Variants in FAXC observed in about 807,000 individuals in gnomAD.
FAXC encodes failed axon connections homolog, metaxin like GST domain containing.
A neutral mutation model predicts 41.9 loss-of-function variants in FAXC; 10 were observed. That is an observed-to-expected ratio of 0.24 (90% CI 0.15 to 0.41). The LOEUF is 0.41. FAXC is among the 10% of genes least tolerant of loss of function. The probability of loss-of-function intolerance (pLI) is 1.00; values close to 1 mark genes in which losing one functional copy is unlikely to be tolerated. For synonymous variants in FAXC, 183 were observed against 183.8 expected (o/e 1.00, Z 0.03); for missense variants, 399 against 510.9 (o/e 0.78, Z 2.11).
At chr6:99,310,599 GC>G (rs1192759283) in intron 4 of FAXC, among the ~76,000 whole-genome samples, 3 of 152,220 alleles carry the variant, frequency 2.0e-5, no homozygotes, top group African/African-American at 7.2e-5. Context: ...AGGAAACACT[GC>G]TTTGAGGTTC....
rs574313444 is a variant in FAXC at position 99,341,706 on chromosome 6, A to C, written c.402+1192T>G. ...CCTTTCAGACAAAAAAATAAGCAGA[A>C]ATACAGAAGGTCTAAATAATACACT... On this transcript the variant is annotated intron_variant, in intron 2 of 5. Coordinates refer to ENST00000389677, the MANE Select transcript of FAXC (RefSeq NM_032511.4). Among the ~76,000 whole-genome samples the C allele has an allele frequency of 2.0e-5, 3 of 152,324 alleles. No homozygotes were observed. In the East Asian group the frequency reaches 5.8e-4, roughly 29 times the overall value.
chr6:99,327,498 T>C (rs1045789900), intron 3 of FAXC, among the ~76,000 whole-genome samples: 3 of 152,100 alleles, frequency 2.0e-5, no homozygotes, highest in African/African-American at 7.2e-5. Flanking sequence ...TCTGACACTA[T>C]TGGCCTCTTT....
chr6:99,326,865 C>T (rs76782779), intron 3 of FAXC, among the ~76,000 whole-genome samples: 572 of 152,220 alleles, frequency 3.8e-3, no homozygotes, highest in African/African-American at 0.013. Context: ...TGGGGGCACG[C>T]ACACAAGGTG....
intron 3 of FAXC, among the ~76,000 whole-genome samples, chr6:99,332,574 C>T (rs1375999782): frequency 1.3e-5 from 2 of 152,136 alleles, no homozygotes; most frequent in Non-Finnish European, 2.9e-5. Flanking sequence ...CCACCGCCAG[C>T]TCAAGGCTAC....
intron 5 of FAXC, among the ~76,000 whole-genome samples, chr6:99,284,695 C>T (rs1034809136): frequency 2.6e-5 from 4 of 151,916 alleles, no homozygotes; most frequent in Non-Finnish European, 4.4e-5. Context: ...GGCGGATCAC[C>T]TGAGGCCAGG....
chr6:99,299,395 T>C (rs1024007381), intron 4 of FAXC, among the ~76,000 whole-genome samples: 4 of 152,164 alleles, frequency 2.6e-5, no homozygotes, highest in Non-Finnish European at 5.9e-5. Flanking sequence ...CTAAAGAGAA[T>C]AATCAAAAGA....
At chr6:99,285,652 C>T (rs938324702) in intron 5 of FAXC, among the ~76,000 whole-genome samples, 4 of 152,136 alleles carry the variant, frequency 2.6e-5, no homozygotes, top group African/African-American at 9.7e-5. Context: ...TCATGTATTA[C>T]TTTTCAAATT....
At chr6:99,299,406 T>A (rs1161397884) in intron 4 of FAXC, among the ~76,000 whole-genome samples, 5 of 152,132 alleles carry the variant, frequency 3.3e-5, no homozygotes, top group Admixed American at 2.0e-4. Context: ...AATCAAAAGA[T>A]TTTCCAAGAC....
intron 4 of FAXC, among the ~76,000 whole-genome samples, chr6:99,301,285 GCTTCT>G (rs1771695506): frequency 6.6e-6 from 1 of 152,208 alleles, no homozygotes; most frequent in Admixed American, 6.5e-5. Context: ...TCTTTGTGAT[GCTTCT>G]CTTCAAGTGC....
Position 99,271,381 on chromosome 6 carries a change from G to A in FAXC, c.*9783C>T, listed in dbSNP as rs1387211651. On this transcript the variant is annotated 3_prime_UTR_variant, in exon 6 of 6. Transcript: ENST00000389677. Reference sequence around the variant, plus strand: ...ATCTATTTCAAAGTATTTCTGACTAGGGTCTATGTTAATAAACAGGGCTGA... The same window carrying A: ...ATCTATTTCAAAGTATTTCTGACTAAGGTCTATGTTAATAAACAGGGCTGA... 1 of 152,032 alleles carries A rather than the reference G, an allele frequency of 6.6e-6. No homozygotes were observed. Among genetic ancestry groups the A allele is most frequent in the Non-Finnish European group, 1.5e-5 (1 of 67,992 alleles). 9.4% of individuals were successfully genotyped at this position (152,032 alleles called of 1,614,324 possible).
At chr6:99,346,514 G>T (rs988510027) in intron 1 of FAXC, among the ~76,000 whole-genome samples, 2 of 152,098 alleles carry the variant, frequency 1.3e-5, no homozygotes, top group Non-Finnish European at 2.9e-5. Context: ...AGCTCCCCGA[G>T]TAGCTATAGG....
rs149984638 is a variant in FAXC at position 99,343,004 on chromosome 6, G to A, written c.296C>T (p.Ala99Val). 139 of 1,610,840 alleles carry A rather than the reference G, an allele frequency of 8.6e-5. 1 individual carries two copies. Among genetic ancestry groups the A allele is most frequent in the Non-Finnish European group, 1.1e-4 (134 of 1,179,238 alleles). The change falls in exon 2 of 6, where the codon GCT becomes GTT. Residue 99 changes from alanine to valine, a missense_variant. Ala to Val is a moderately conservative substitution (Grantham distance 64). Transcript: ENST00000389677. Reference protein sequence around the residue: ...RKQQEIDSKDAIILHQFARPN... With the variant: ...RKQQEIDSKDVIILHQFARPN... The stretch of plus-strand genomic sequence containing the variant: ...TCTTGCAAACTGATGCAAAATAATA[G>A]CATCTTTAGAGTCAATCTCTTGCTG...
intron 3 of FAXC, among the ~76,000 whole-genome samples, chr6:99,332,485 T>C (rs1200399948): frequency 6.6e-6 from 1 of 150,646 alleles, no homozygotes; most frequent in African/African-American, 2.4e-5. Flanking sequence ...CTCCAGAAAA[T>C]GGATGAAAGA....
Position 99,319,398 on chromosome 6 carries a change from CAAAAAAAAAAAA to C in FAXC, c.823+4034_823+4045del, listed in dbSNP as rs57370118. On this transcript the variant is annotated intron_variant, in intron 4 of 5. Transcript: ENST00000389677. Reference sequence around the variant, plus strand: ...TGGGCGACAGAGCGAGACTCCGTCTCAAAAAAAAAAAAAAAAAAAAAAAAGCAAACCCTCCAA... The same window carrying C: ...TGGGCGACAGAGCGAGACTCCGTCTCAAAAAAAAAAAAGCAAACCCTCCAA... Among the ~76,000 whole-genome samples, 130 of 47,650 alleles carry C rather than the reference CAAAAAAAAAAAA, an allele frequency of 2.7e-3. 1 individual carries two copies. Among genetic ancestry groups the C allele is most frequent in the Non-Finnish European group, 5.1e-3 (107 of 20,912 alleles). The allele number at this position is 47,650 out of a possible 152,430, so 31.3% of individuals were successfully genotyped here. A position where few individuals can be genotyped will look rare whatever the true frequency, so the allele number is the denominator to read the frequency against.
In FAXC at chr6:99,281,182, G is replaced by T. The variant is rs1241797702; in HGVS notation, c.1212C>A (p.Asp404Glu). 2 of 1,462,898 alleles carry T rather than the reference G, an allele frequency of 1.4e-6. No homozygotes were observed. Among genetic ancestry groups the T allele is most frequent in the Admixed American group, 1.7e-5 (1 of 59,842 alleles). 90.6% of individuals were successfully genotyped at this position (1,462,898 alleles called of 1,614,324 possible). A position where few individuals can be genotyped will look rare whatever the true frequency, so the allele number is the denominator to read the frequency against. Residue 404 changes from aspartate (D) to glutamate (E), a missense_variant, in exon 6 of 6, where the codon GAC (aspartate) becomes GAA (glutamate). This residue lies in a region of FAXC where 92 missense variants were observed against 94.9 expected (regional missense o/e 0.97). Transcript: ENST00000389677. ...CTGGACGTCACTTGCACTGTTCGTG[G>T]TCTGTATAGTCATCCATGTCCACAT... Reference protein sequence around the residue: ...DSDVDMDDYTDHEQCK With the variant: ...DSDVDMDDYTEHEQCK
At chr6:99,330,898 C>G (rs1432371651) in intron 3 of FAXC, among the ~76,000 whole-genome samples, 2 of 152,062 alleles carry the variant, frequency 1.3e-5, no homozygotes, top group Non-Finnish European at 2.9e-5. Flanking sequence ...ATGGGAGGTG[C>G]CTGAGGGAAG....
In FAXC at chr6:99,281,534, T is replaced by TC. The variant is rs1301550856; in HGVS notation, c.941-82dup. 2.6e-6 allele frequency: 3 copies of TC among 1,134,864 alleles called. No individual in the cohort carries two copies. The African/African-American group carries it at 4.7e-5, about 18-fold the overall frequency. The allele number at this position is 1,134,864 out of a possible 1,614,324, so 70.3% of individuals were successfully genotyped here. On this transcript the variant is annotated intron_variant, in intron 5 of 5. Transcript: ENST00000389677. ...TCTATGGTCTGTGTTGCCCCAAAAC[T>TC]CCAATGTTGAAATCCTGACTCCCAA...
chr6:99,343,187 C>T (rs1043077057), intron 1 of FAXC, among the ~76,000 whole-genome samples, 154 bp from the exon 2 acceptor site: 32 of 152,132 alleles, frequency 2.1e-4, no homozygotes, highest in African/African-American at 7.5e-4. Flanking sequence ...CCCAGTTTGT[C>T]GAAGGGGCTT....
chr6:99,332,710 T>C (rs76498000), intron 3 of FAXC, among the ~76,000 whole-genome samples: 9,493 of 152,272 alleles, frequency 0.062, 656 homozygotes, highest in East Asian at 0.39. Context: ...TTCTGGAACA[T>C]ACAGAAGCTC....
Sources: allele counts gnomAD v4.1 joint callset (sites outside exome capture counted in the v4.1 genomes callset), GRCh38; gene constraint gnomAD v4.1.1; regional missense constraint gnomAD v4.1.1; transcripts MANE v1.5; gene names NCBI Gene and HGNC (gene_info 2026-07-23, HGNC 2026-07-21).